PDE4D: variants seen among roughly 807,000 people sequenced by gnomAD.
The protein encoded by PDE4D is phosphodiesterase 4D, also known as 3',5'-cyclic-AMP phosphodiesterase 4D.
In PDE4D, 24 loss-of-function variants were observed where a neutral mutation model predicts 87.4. That is an observed-to-expected ratio of 0.27 (90% CI 0.20 to 0.39). PDE4D has a LOEUF of 0.39. Among genes scored for constraint, PDE4D ranks in the 10% least tolerant of loss-of-function variants. The pLI is 1.00. For missense variants in PDE4D, 714 were observed against 1,041.0 expected (o/e 0.69, Z 4.32); for synonymous variants, 384 against 383.2 (o/e 1.00, Z -0.02).
upstream of PDE4D, chr5:60,489,565 G>A (rs1253208604): frequency 6.6e-6 from 1 of 152,146 alleles, no homozygotes; most frequent in African/African-American, 2.4e-5. Context: ...CCCAGGGTTT[G>A]TTCTTTGAAT....
At chr5:59,924,564 GAAAAA>G (rs35983103) in intron 3 of PDE4D, among the ~76,000 whole-genome samples, 1 of 134,364 alleles carries the variant, frequency 7.4e-6, no homozygotes, top group African/African-American at 2.8e-5. Context: ...ACAAAGTGTG[GAAAAA>G]AAAAAAAAAA....
intron 1 of PDE4D, among the ~76,000 whole-genome samples, chr5:59,714,693 G>C (rs1754733400): frequency 1.3e-5 from 2 of 152,226 alleles, no homozygotes; most frequent in African/African-American, 4.8e-5. Flanking sequence ...GCCTTCACGG[G>C]AAGGTGACAG....
intron 6 of PDE4D, among the ~76,000 whole-genome samples, chr5:59,012,325 G>A (rs1457700251): frequency 1.3e-5 from 2 of 152,120 alleles, no homozygotes; most frequent in African/African-American, 4.8e-5. Context: ...ATGTAAATGG[G>A]CTAAATGTTC....
chr5:59,917,932 C>T (rs1383993055), intron 3 of PDE4D, among the ~76,000 whole-genome samples: 1 of 151,922 alleles, frequency 6.6e-6, no homozygotes, highest in East Asian at 1.9e-4. Flanking sequence ...CTGCTATAAA[C>T]ATTTAATGTA....
rs151199228 is a variant in PDE4D, at chr5:58,976,312, G to GAC, written c.1830+36_1830+37dup. The GAC allele has an allele frequency of 1.2e-3, 1,920 of 1,563,052 alleles. 2 individuals are homozygous for GAC. Among genetic ancestry groups the GAC allele is most frequent in the Non-Finnish European group, 1.5e-3 (1,717 of 1,143,486 alleles). Reference sequence around the variant, plus strand: ...ACGCAGACATGTGCACATGTGCACAGACACACACACACAGAGCAAACTCAA... The same window carrying GAC: ...ACGCAGACATGTGCACATGTGCACAGACACACACACACACAGAGCAAACTCAA... On this transcript the variant is annotated intron_variant, in intron 13 of 14. Transcript: ENST00000340635.
chr5:59,787,038 T>C (rs1172985433), intron 1 of PDE4D, among the ~76,000 whole-genome samples: 2 of 152,240 alleles, frequency 1.3e-5, no homozygotes, highest in Non-Finnish European at 2.9e-5. Flanking sequence ...AATTATGTGC[T>C]TTATTAATAA....
chr5:59,039,381 G>T (rs1759200299), intron 5 of PDE4D: 1 of 1,023,486 alleles, frequency 9.8e-7, no homozygotes. Flanking sequence ...CCGCAGAGGA[G>T]CGTCTGGTCC....
chr5:59,686,310 G>A (rs1013230928), intron 1 of PDE4D, among the ~76,000 whole-genome samples: 3 of 152,090 alleles, frequency 2.0e-5, no homozygotes, highest in Admixed American at 6.6e-5. Context: ...GTGGACATGA[G>A]GTAAGTACTA....
intron 1 of PDE4D, among the ~76,000 whole-genome samples, chr5:59,845,261 T>A (rs575093871): frequency 3.9e-5 from 6 of 152,194 alleles, no homozygotes; most frequent in Admixed American, 3.9e-4. Flanking sequence ...GACCCAGCAA[T>A]AGAAAACCAA....
intron 1 of PDE4D, among the ~76,000 whole-genome samples, chr5:59,379,301 A>T (rs1478447983): frequency 6.6e-6 from 1 of 152,174 alleles, no homozygotes; most frequent in African/African-American, 2.4e-5. Context: ...AATCACACCT[A>T]AAAAAGTGCT....
chr5:59,285,836 C>T (rs867774293), intron 1 of PDE4D, among the ~76,000 whole-genome samples: 1 of 152,104 alleles, frequency 6.6e-6, no homozygotes, highest in Non-Finnish European at 1.5e-5. Flanking sequence ...ATCTGCCAAT[C>T]AGTCACCACT....
chr5:59,431,040 T>C (rs2153631692), intron 1 of PDE4D, among the ~76,000 whole-genome samples: 1 of 152,218 alleles, frequency 6.6e-6, no homozygotes, highest in South Asian at 2.1e-4. Flanking sequence ...ACTTAGCCTC[T>C]CAGGAACATA....
At chr5:59,863,934 A>T (rs2152730542) in intron 1 of PDE4D, among the ~76,000 whole-genome samples, 1 of 152,308 alleles carries the variant, frequency 6.6e-6, no homozygotes, top group Middle Eastern at 3.4e-3. Context: ...TGCAGCTTCA[A>T]AACCCTGACT....
chr5:60,289,707 G>T (rs894924556), intron 1 of PDE4D, among the ~76,000 whole-genome samples: 1 of 152,138 alleles, frequency 6.6e-6, no homozygotes, highest in African/African-American at 2.4e-5. Context: ...GCAAGAGTGG[G>T]ACAAGAGAAA....
intron 1 of PDE4D, among the ~76,000 whole-genome samples, chr5:59,460,834 A>G (rs950232449): frequency 6.6e-6 from 1 of 152,166 alleles, no homozygotes; most frequent in Non-Finnish European, 1.5e-5. Flanking sequence ...TTCACCCTAA[A>G]GAGGAGAGCA....
chr5:60,233,560 TC>T (rs1374880029), intron 1 of PDE4D, among the ~76,000 whole-genome samples: 2 of 151,336 alleles, frequency 1.3e-5, no homozygotes, highest in African/African-American at 4.8e-5. Context: ...AACTAACATT[TC>T]CTTTTTTTTT....
chr5:60,440,894 T>C (rs143831862), intron 1 of PDE4D, among the ~76,000 whole-genome samples: 3 of 152,098 alleles, frequency 2.0e-5, no homozygotes, highest in Non-Finnish European at 2.9e-5. Context: ...AACTAGGAAG[T>C]AGTGGGACCA....
chr5:59,520,826 G>C (rs1310114380), intron 1 of PDE4D, among the ~76,000 whole-genome samples: 1 of 151,948 alleles, frequency 6.6e-6, no homozygotes, highest in African/African-American at 2.4e-5. Context: ...AGATAAAAAA[G>C]AGCTGTTCAT....
intron 1 of PDE4D, among the ~76,000 whole-genome samples, chr5:59,827,551 T>C (rs547837411): frequency 6.6e-6 from 1 of 152,306 alleles, no homozygotes; most frequent in African/African-American, 2.4e-5. Context: ...CACAATTTTG[T>C]CTAATACTCA....
Sources: gnomAD v4.1 joint callset for allele counts (sites outside exome capture counted in the v4.1 genomes callset) on GRCh38, gnomAD v4.1.1 for gene constraint, MANE v1.5 for transcripts, NCBI Gene and HGNC (gene_info 2026-07-23, HGNC 2026-07-21) for gene names.